ANKRD44: variants seen among roughly 807,000 people sequenced by gnomAD.
The protein encoded by ANKRD44 is serine/threonine-protein phosphatase 6 regulatory ankyrin repeat subunit B.
ANKRD44 carries 35 observed loss-of-function variants against 116.0 expected under a neutral mutation model. The ratio of observed to expected loss-of-function variants is 0.30; its 90% CI spans 0.23 to 0.40. ANKRD44 has a LOEUF of 0.40. Among genes scored for constraint, ANKRD44 ranks in the 10% least tolerant of loss-of-function variants. The pLI is 1.00. For missense variants in ANKRD44, 1,014 were observed against 1,242.6 expected (o/e 0.82, Z 2.77); for synonymous variants, 435 against 461.8 (o/e 0.94, Z 0.74).
chr2:197,063,425 C>T (rs1241838817), intron 16 of ANKRD44, among the ~76,000 whole-genome samples: 4 of 152,196 alleles, frequency 2.6e-5, no homozygotes, highest in East Asian at 3.8e-4. Context: ...CGCAGCTCCT[C>T]GCCAGCAACA....
At chr2:197,282,441 G>C (rs2083292501) in intron 1 of ANKRD44, among the ~76,000 whole-genome samples, 1 of 152,036 alleles carries the variant, frequency 6.6e-6, no homozygotes, top group East Asian at 1.9e-4. Flanking sequence ...AGTGTTTGAA[G>C]ATGAGCCTGG....
chr2:197,090,378 T>C (rs1396895196), intron 10 of ANKRD44, among the ~76,000 whole-genome samples: 1 of 152,190 alleles, frequency 6.6e-6, no homozygotes, highest in Non-Finnish European at 1.5e-5. Flanking sequence ...CTCTCATTCA[T>C]CTATTCAACA....
At chr2:196,969,428 C>G (rs750510689) in intron 21 of ANKRD44, among the ~76,000 whole-genome samples, 1 of 152,028 alleles carries the variant, frequency 6.6e-6, no homozygotes, top group Non-Finnish European at 1.5e-5. Context: ...TGTTTTTATA[C>G]CACTTTTTAT....
intron 2 of ANKRD44, among the ~76,000 whole-genome samples, chr2:197,171,280 T>G (rs1424039826): frequency 6.6e-6 from 1 of 152,132 alleles, no homozygotes; most frequent in African/African-American, 2.4e-5. Flanking sequence ...TCAACAAGAT[T>G]TGAAACTGCA....
At chr2:197,265,386 A>G (rs897803355) in intron 1 of ANKRD44, among the ~76,000 whole-genome samples, 5 of 151,948 alleles carry the variant, frequency 3.3e-5, no homozygotes, top group Non-Finnish European at 7.4e-5. Flanking sequence ...AGCTGGGACT[A>G]TAGGGGTGCG....
chr2:197,236,574 G>C (rs2081982996), intron 1 of ANKRD44, among the ~76,000 whole-genome samples: 1 of 152,122 alleles, frequency 6.6e-6, no homozygotes, highest in Admixed American at 6.5e-5. Flanking sequence ...TTGCCTACTA[G>C]TTTCTTCTAA....
At chr2:197,233,487 A>G (rs946905820) in intron 1 of ANKRD44, among the ~76,000 whole-genome samples, 1 of 152,212 alleles carries the variant, frequency 6.6e-6, no homozygotes, top group African/African-American at 2.4e-5. Context: ...CAAAATTAAC[A>G]AAGGGACAAA....
chr2:197,013,850 T>A, intron 17 of ANKRD44, 138 bp from the exon 18 acceptor site: 1 of 791,938 alleles, frequency 1.3e-6, no homozygotes. Flanking sequence ...CTTGGAATAT[T>A]TATTAAAACT....
chr2:196,985,239 A>G (rs1183733017), downstream of ANKRD44, among the ~76,000 whole-genome samples: 1 of 152,194 alleles, frequency 6.6e-6, no homozygotes, highest in African/African-American at 2.4e-5. Context: ...GGCCAACACC[A>G]TGATTACAGG....
chr2:197,209,809 T>G (rs1353265905), intron 1 of ANKRD44, among the ~76,000 whole-genome samples: 27 of 152,230 alleles, frequency 1.8e-4, no homozygotes, highest in Admixed American at 1.8e-3. Context: ...ATAAGCATGC[T>G]GTATCAGCAC....
intron 1 of ANKRD44, among the ~76,000 whole-genome samples, chr2:197,258,270 C>CTTTTTTTT (rs71395680): frequency 1.1e-3 from 87 of 79,230 alleles, no homozygotes; most frequent in Non-Finnish European, 1.2e-3. Flanking sequence ...TTGGCTAATC[C>CTTTTTTTT]TTTTTTTTTT....
Position 197,033,607 on chromosome 2 carries a change from A to G in ANKRD44, c.1651-8340T>C, listed in dbSNP as rs571385060. On this transcript the variant is annotated intron_variant, in intron 16 of 27. Transcript: ENST00000282272. The stretch of plus-strand genomic sequence containing the variant: ...CTGATAAGCTGAACTTTCCCCTGAT[A>G]TTTCACAAACAGCACAGGGATGGGG... 2.0e-5 allele frequency among the ~76,000 whole-genome samples: 3 copies of G among 151,274 alleles called. No individual in the cohort carries two copies. The South Asian group carries it at 6.3e-4, about 32-fold the overall frequency.
intron 1 of ANKRD44, among the ~76,000 whole-genome samples, chr2:197,220,504 G>T (rs1240657882): frequency 1.3e-5 from 2 of 152,186 alleles, no homozygotes; most frequent in Non-Finnish European, 2.9e-5. Flanking sequence ...GCAACAGAGA[G>T]TTGTCATAGG....
chr2:197,053,919 T>G (rs2077158500), intron 16 of ANKRD44, among the ~76,000 whole-genome samples: 1 of 152,228 alleles, frequency 6.6e-6, no homozygotes, highest in Non-Finnish European at 1.5e-5. Context: ...TGCTAATGGG[T>G]AACATGTTAA....
At chr2:197,059,778 C>T (rs569933150) in intron 16 of ANKRD44, among the ~76,000 whole-genome samples, 40 of 152,308 alleles carry the variant, frequency 2.6e-4, no homozygotes, top group Admixed American at 2.4e-3. Context: ...TACAACTTTT[C>T]CACTTAGTGG....
chr2:197,124,105 T>C (rs545974962), intron 6 of ANKRD44, among the ~76,000 whole-genome samples: 7 of 152,328 alleles, frequency 4.6e-5, no homozygotes, highest in African/African-American at 1.7e-4. Flanking sequence ...CTGGCTCCAG[T>C]CCTGCAGGTG....
chr2:197,046,506 G>A (rs979729510), intron 16 of ANKRD44, among the ~76,000 whole-genome samples: 2 of 151,998 alleles, frequency 1.3e-5, no homozygotes, highest in Admixed American at 1.3e-4. Context: ...CATTGAAGCA[G>A]TCATTCTCCC....
chr2:197,104,926 T>C (rs2125247423), intron 9 of ANKRD44, among the ~76,000 whole-genome samples: 1 of 152,334 alleles, frequency 6.6e-6, no homozygotes, highest in African/African-American at 2.4e-5. Context: ...AGAATTTTGT[T>C]TGAAAATCAA....
intron 2 of ANKRD44, among the ~76,000 whole-genome samples, chr2:197,153,857 T>A (rs532670245): frequency 6.6e-6 from 1 of 151,676 alleles, no homozygotes; most frequent in Non-Finnish European, 1.5e-5. Context: ...GAGAGAAAGG[T>A]GGGGAAGGGA....
Sources: gnomAD v4.1 joint callset for allele counts (sites outside exome capture counted in the v4.1 genomes callset) on GRCh38, gnomAD v4.1.1 for gene constraint, MANE v1.5 for transcripts, NCBI Gene and HGNC (gene_info 2026-07-23, HGNC 2026-07-21) for gene names.